LRP1B: variants seen among roughly 807,000 people sequenced by gnomAD.
LRP1B encodes low-density lipoprotein receptor-related protein 1B.
LRP1B carries 217 observed loss-of-function variants against 556.6 expected under a neutral mutation model. That is an observed-to-expected ratio of 0.39 (90% CI 0.35 to 0.44). The LOEUF (loss-of-function observed/expected upper bound fraction) is 0.44, where lower values mean the gene tolerates loss of function less well. Ranked by LOEUF, LRP1B falls within the 20% of genes least tolerant of loss-of-function variation. The pLI is 1.00. For missense variants in LRP1B, 5,053 were observed against 5,620.8 expected, an observed-to-expected ratio of 0.90 and a Z score of 3.23; for synonymous variants, 2,047 against 1,865.8, an observed-to-expected ratio of 1.10 and a Z score of -2.50.
At chr2:141,186,145 G>A (rs560740716) in intron 7 of LRP1B, among the ~76,000 whole-genome samples, 1 of 149,430 alleles carries the variant, frequency 6.7e-6, no homozygotes, top group Non-Finnish European at 1.5e-5. Context: ...ATCCTTTTGG[G>A]GGGTAAGGCA....
intron 2 of LRP1B, among the ~76,000 whole-genome samples, chr2:141,584,031 C>A (rs115997955): frequency 6.6e-6 from 1 of 151,662 alleles, no homozygotes; most frequent in Non-Finnish European, 1.5e-5. Context: ...ATAACTTGAG[C>A]CTAGGAATTT....
chr2:141,694,577 G>A (rs1574251363), intron 2 of LRP1B, among the ~76,000 whole-genome samples: 1 of 144,450 alleles, frequency 6.9e-6, no homozygotes, highest in African/African-American at 2.6e-5. Context: ...TTATTCCTGT[G>A]TCCCCATGAT....
At chr2:140,603,237 G>A (rs770291959) in intron 41 of LRP1B, among the ~76,000 whole-genome samples, 1 of 151,894 alleles carries the variant, frequency 6.6e-6, no homozygotes, top group African/African-American at 2.4e-5. Flanking sequence ...TAGAGATGAC[G>A]GAAGAAAAAT....
At chr2:142,077,443 A>T (rs746041870) in intron 1 of LRP1B, among the ~76,000 whole-genome samples, 3 of 152,138 alleles carry the variant, frequency 2.0e-5, no homozygotes, top group Non-Finnish European at 2.9e-5. Context: ...GAATATAATA[A>T]TTTTTAAAAT....
chr2:141,299,589 T>C (rs961393040), intron 3 of LRP1B, among the ~76,000 whole-genome samples: 4 of 152,196 alleles, frequency 2.6e-5, no homozygotes, highest in African/African-American at 9.7e-5. Flanking sequence ...GAGTCATAAG[T>C]CATTGAAATA....
chr2:142,071,667 A>G (rs1471809771), intron 1 of LRP1B, among the ~76,000 whole-genome samples: 1 of 152,010 alleles, frequency 6.6e-6, no homozygotes, highest in African/African-American at 2.4e-5. Context: ...CAGAGACTGT[A>G]CGACCTGTAA....
chr2:141,036,617 A>G (rs947089809), intron 11 of LRP1B, among the ~76,000 whole-genome samples: 2 of 152,078 alleles, frequency 1.3e-5, no homozygotes, highest in African/African-American at 2.4e-5. Context: ...TCATTGAAGC[A>G]GAAGTAAAAG....
At chr2:141,681,321 T>G (rs576173537) in intron 2 of LRP1B, among the ~76,000 whole-genome samples, 1 of 151,922 alleles carries the variant, frequency 6.6e-6, no homozygotes, top group Non-Finnish European at 1.5e-5. Flanking sequence ...ATTGATTAAA[T>G]GTATTGTGAA....
chr2:141,868,507 TA>T (rs1558929405), intron 1 of LRP1B, among the ~76,000 whole-genome samples: 1 of 152,142 alleles, frequency 6.6e-6, no homozygotes, highest in Non-Finnish European at 1.5e-5. Flanking sequence ...CCCATTGCGG[TA>T]ACAGACAACA....
At chr2:141,742,576 G>T (rs1693752132) in intron 2 of LRP1B, among the ~76,000 whole-genome samples, 1 of 151,958 alleles carries the variant, frequency 6.6e-6, no homozygotes, top group Non-Finnish European at 1.5e-5. Flanking sequence ...CTTAGCATTT[G>T]CTCAGTAAAG....
chr2:141,480,721 A>T (rs920570561), intron 2 of LRP1B, among the ~76,000 whole-genome samples, 188 bp from the exon 3 acceptor site: 4 of 152,222 alleles, frequency 2.6e-5, no homozygotes, highest in African/African-American at 7.2e-5. Context: ...TTAAAGCTGC[A>T]TAGGAAAGGA....
At chr2:140,289,773 C>T (rs1202539351) in intron 84 of LRP1B, among the ~76,000 whole-genome samples, 3 of 151,846 alleles carry the variant, frequency 2.0e-5, no homozygotes, top group African/African-American at 7.3e-5. Flanking sequence ...ACCCTTACCT[C>T]AACATTCTCT....
intron 2 of LRP1B, among the ~76,000 whole-genome samples, chr2:141,797,058 G>A (rs1695837374): frequency 6.7e-6 from 1 of 148,402 alleles, no homozygotes; most frequent in East Asian, 2.0e-4. Flanking sequence ...CTTAAAGTAT[G>A]TTGGATATAA....
chr2:140,796,632 A>G (rs1690325194), intron 32 of LRP1B, among the ~76,000 whole-genome samples: 2 of 152,090 alleles, frequency 1.3e-5, no homozygotes, highest in Non-Finnish European at 2.9e-5. Flanking sequence ...TAGAAGACTG[A>G]TGGCTTAGAA....
chr2:140,477,511 C>A (rs1271371213), intron 59 of LRP1B, among the ~76,000 whole-genome samples: 1 of 152,008 alleles, frequency 6.6e-6, no homozygotes, highest in Non-Finnish European at 1.5e-5. Context: ...TTAAATATCT[C>A]AGAAGTGAAA....
intron 31 of LRP1B, among the ~76,000 whole-genome samples, chr2:140,837,671 CA>C (rs1559148412): frequency 6.6e-6 from 1 of 151,958 alleles, no homozygotes; most frequent in East Asian, 1.9e-4. Flanking sequence ...CCATCATTCT[CA>C]GCAAACTATC....
intron 41 of LRP1B, among the ~76,000 whole-genome samples, chr2:140,673,602 T>A (rs1268255708): frequency 6.6e-6 from 1 of 152,204 alleles, no homozygotes; most frequent in African/African-American, 2.4e-5. Flanking sequence ...CTAAAAGTTC[T>A]TCCAACCTCT....
intron 9 of LRP1B, 152 bp downstream of exon 9, chr2:141,058,731 G>A: frequency 2.1e-6 from 1 of 477,314 alleles, no homozygotes; most frequent in Non-Finnish European, 3.5e-6. Context: ...TGTGACGGGA[G>A]CTCTATTCCA....
At chr2:141,585,422 CGTGTGTGTGTGTGTGTGTGT>C (rs3041302) in intron 2 of LRP1B, among the ~76,000 whole-genome samples, 8 of 129,260 alleles carry the variant, frequency 6.2e-5, no homozygotes, top group South Asian at 3.1e-4. Context: ...CTGAAATAAT[CGTGTGTGTGTGTGTGTGTGT>C]GTGTGTGTGT....
Sources: gnomAD v4.1 joint callset for allele counts (sites outside exome capture counted in the v4.1 genomes callset) on GRCh38, gnomAD v4.1.1 for gene constraint, MANE v1.5 for transcripts, NCBI Gene and HGNC (gene_info 2026-07-23, HGNC 2026-07-21) for gene names.